Variants in ABR observed in about 807,000 individuals in gnomAD.
The protein encoded by ABR is ABR activator of RhoGEF and GTPase, also known as active breakpoint cluster region-related protein.
In ABR, 35 loss-of-function variants were observed where a neutral mutation model predicts 107.2. That is an observed-to-expected ratio of 0.33 (90% CI 0.25 to 0.43). ABR has a LOEUF of 0.43. Among genes scored for constraint, ABR ranks in the 20% least tolerant of loss-of-function variants. ABR has a pLI of 1.00. For synonymous variants in ABR, 498 were observed against 462.0 expected (o/e 1.08, Z -1.00); for missense variants, 815 against 1,115.2 (o/e 0.73, Z 3.83).
chr17:1,159,714 G>A (rs1478577128), intron 1 of ABR, among the ~76,000 whole-genome samples: 41 of 116,520 alleles, frequency 3.5e-4, no homozygotes, highest in African/African-American at 1.0e-3. Context: ...CGGTACTCAC[G>A]CACAAGGGAA....
upstream of ABR, among the ~76,000 whole-genome samples, chr17:1,184,221 C>T (rs1180762415): frequency 2.0e-5 from 3 of 151,326 alleles, no homozygotes; most frequent in Non-Finnish European, 4.4e-5. Flanking sequence ...TCTGGGAGGC[C>T]GAGGTGGGTG....
At chr17:1,099,614 C>A (rs886993631) in intron 3 of ABR, among the ~76,000 whole-genome samples, 1 of 152,224 alleles carries the variant, frequency 6.6e-6, no homozygotes, top group Non-Finnish European at 1.5e-5. Flanking sequence ...GATTGACACG[C>A]CACGATCACT....
rs561093509 is a variant in ABR at position 1,037,797 on chromosome 17, G to A, written c.1791+12253C>T. ...TGCTCTTTCTTCATTCTGGATTCCC[G>A]AACACCTCCCTTCCACCCAAGCTCC... On this transcript the variant is annotated intron_variant, in intron 16 of 22. Coordinates refer to ENST00000302538, the MANE Select transcript of ABR (RefSeq NM_021962.5). The surrounding 1 kb of genome is among the most constrained non-coding windows in gnomAD (Gnocchi z 4.6). Among the ~76,000 whole-genome samples, 20 of 152,150 alleles carry A rather than the reference G, an allele frequency of 1.3e-4. No homozygotes were observed. The South Asian group carries it at 1.7e-3, about 13-fold the overall frequency.
intron 1 of ABR, among the ~76,000 whole-genome samples, chr17:1,147,444 T>C (rs1344011449): frequency 1.3e-5 from 2 of 151,298 alleles, no homozygotes; most frequent in African/African-American, 4.9e-5. Flanking sequence ...CACTGCAACC[T>C]CTGCCTCCTG....
At chr17:1,163,247 T>C (rs554693869) in intron 1 of ABR, among the ~76,000 whole-genome samples, 1 of 152,338 alleles carries the variant, frequency 6.6e-6, no homozygotes, top group African/African-American at 2.4e-5. Flanking sequence ...AGGCTAACGT[T>C]AGCTATTATC....
At position 1,179,412 on chromosome 17, in the gene ABR, G is replaced by T. The variant is rs1458619780; in HGVS notation, c.61+255C>A. ...CGCCCACGGTCCCCGCCCCCGGACC[G>T]CAGGAATCCTCTCTGGGGACCCCCC... is the stretch of plus-strand genomic sequence containing the variant. On this transcript the variant is annotated intron_variant, in intron 1 of 22. Coordinates refer to ENST00000302538, the MANE Select transcript of ABR (RefSeq NM_021962.5). This position sits in a 1 kb window ranked among gnomAD's most constrained non-coding sequence, Gnocchi z 4.9. Among the ~76,000 whole-genome samples the T allele has an allele frequency of 1.3e-5, 2 of 151,898 alleles. No individual in the cohort carries two copies. Among genetic ancestry groups the T allele is most frequent in the Non-Finnish European group, 2.9e-5 (2 of 67,946 alleles).
chr17:1,157,304 G>A lies in ABR; in HGVS notation c.61+22363C>T, dbSNP rs140496403. Among the ~76,000 whole-genome samples, 1,511 of 149,634 alleles carry A rather than the reference G, an allele frequency of 0.01. 15 individuals carry two copies. Among genetic ancestry groups the A allele is most frequent in the African/African-American group, 0.035 (1,418 of 40,552 alleles). ...CTCACTCTGTCGCCCAGGCTGGAGTGCAAAGGTGCAACCTTAGCTCACTGC... is the reference window on the plus strand; with the variant it reads ...CTCACTCTGTCGCCCAGGCTGGAGTACAAAGGTGCAACCTTAGCTCACTGC... On this transcript the variant is annotated intron_variant, in intron 1 of 22. Coordinates refer to ENST00000302538, the MANE Select transcript of ABR (RefSeq NM_021962.5). This position sits in a 1 kb window ranked among gnomAD's most constrained non-coding sequence, Gnocchi z 4.7.
intron 1 of ABR, among the ~76,000 whole-genome samples, chr17:1,178,832 AAC>A (rs2042010923): frequency 6.8e-6 from 1 of 148,092 alleles, no homozygotes; most frequent in African/African-American, 2.5e-5. Context: ...CCTTTCTAGC[AAC>A]GGAGCAGGAG....
chr17:1,122,664 C>G (rs1217054463), intron 2 of ABR, among the ~76,000 whole-genome samples: 1 of 152,186 alleles, frequency 6.6e-6, no homozygotes, highest in Non-Finnish European at 1.5e-5. Context: ...TATTGGCTGT[C>G]CTGGGTCTCC....
At chr17:1,140,872 C>G (rs1383353090) in intron 1 of ABR, among the ~76,000 whole-genome samples, 1 of 151,800 alleles carries the variant, frequency 6.6e-6, no homozygotes, top group Non-Finnish European at 1.5e-5. Flanking sequence ...TGTGAGCCAC[C>G]GCGCCCGGCC....
chr17:1,017,025 C>A (rs915611419), intron 16 of ABR, among the ~76,000 whole-genome samples: 1 of 152,060 alleles, frequency 6.6e-6, no homozygotes, highest in African/African-American at 2.4e-5. Flanking sequence ...CCGACGGGGT[C>A]TGGGTCTGCA....
intron 11 of ABR, 73 bp downstream of exon 11, chr17:1,058,672 G>T: frequency 1.3e-6 from 2 of 1,569,004 alleles, no homozygotes; most frequent in African/African-American, 2.7e-5. Flanking sequence ...ACAGGTCAGG[G>T]CCAGGAGCCA....
At chr17:1,141,804 G>A (rs940442143) in intron 1 of ABR, among the ~76,000 whole-genome samples, 3 of 150,312 alleles carry the variant, frequency 2.0e-5, no homozygotes, top group African/African-American at 7.4e-5. Context: ...TGTCTCCCAC[G>A]CTAGAGTACA....
chr17:1,043,775 G>A (rs968902406), intron 16 of ABR, among the ~76,000 whole-genome samples: 11 of 152,224 alleles, frequency 7.2e-5, no homozygotes, highest in African/African-American at 2.7e-4. Context: ...GCGCTGCTGT[G>A]CCCAGGGAGG....
At chr17:1,138,859 AAGG>A (rs1000326981) in intron 1 of ABR, among the ~76,000 whole-genome samples, 6 of 151,520 alleles carry the variant, frequency 4.0e-5, no homozygotes, top group African/African-American at 1.5e-4. Context: ...TGGAGAAGGG[AAGG>A]ACTGTTTATT....
chr17:1,108,728 A>T (rs1377462206), intron 2 of ABR, among the ~76,000 whole-genome samples: 1 of 151,826 alleles, frequency 6.6e-6, no homozygotes, highest in African/African-American at 2.4e-5. Flanking sequence ...GCTGGCCTGG[A>T]GGGGGCGGCC....
rs888063391 is a variant in ABR, at chr17:1,126,896, G to A, written c.62-1529C>T. Among the ~76,000 whole-genome samples, 5 of 152,214 alleles carry A rather than the reference G, an allele frequency of 3.3e-5. No homozygotes were observed. The South Asian group carries it at 6.2e-4, about 19-fold the overall frequency. ...GGAGCGAATGAATGAGCAGAGGATC[G>A]CACCGTCTGTCTCAGGTCTGAGGCT... On this transcript the variant is annotated intron_variant, in intron 1 of 22. Transcript: ENST00000302538.
chr17:1,057,244 A>G (rs2033383228), intron 12 of ABR, 142 bp from the exon 13 acceptor site: 2 of 579,610 alleles, frequency 3.5e-6, no homozygotes, highest in African/African-American at 3.8e-5. Context: ...GGATTTGTGG[A>G]CACAGCAGGA....
intron 6 of ABR, chr17:1,079,059 G>A: frequency 4.4e-6 from 6 of 1,373,456 alleles, no homozygotes; most frequent in South Asian, 1.5e-5. Flanking sequence ...GGAAGGGGAG[G>A]AGGGGTAGGG....
Sources: gnomAD v4.1 joint callset for allele counts (sites outside exome capture counted in the v4.1 genomes callset) on GRCh38, gnomAD v4.1.1 for gene constraint, Gnocchi (gnomAD v3.1) non-coding constraint, MANE v1.5 for transcripts, NCBI Gene and HGNC (gene_info 2026-07-23, HGNC 2026-07-21) for gene names.